Variants in HCRTR2 observed in about 807,000 individuals in gnomAD.
HCRTR2 encodes the protein orexin receptor type 2.
Under a neutral mutation model 49.0 loss-of-function variants are expected in HCRTR2, and 22 were observed. That is an observed-to-expected ratio of 0.45 (90% confidence interval 0.32 to 0.64). The LOEUF is 0.64. HCRTR2 is among the 30% of genes least tolerant of loss of function. The pLI, the probability that HCRTR2 is intolerant of heterozygous loss-of-function variation, is 0.04. For synonymous variants in HCRTR2, 236 were observed against 205.3 expected (o/e 1.15, Z -1.28); for missense variants, 491 against 559.4 (o/e 0.88, Z 1.23).
At chr6:55,130,118 T>C (rs1764333676) in intron 1 of HCRTR2, among the ~76,000 whole-genome samples, 1 of 151,942 alleles carries the variant, frequency 6.6e-6, no homozygotes. Context: ...CTTTCATCCT[T>C]ATCCATTTCA....
chr6:55,163,467 C>T (rs1304363569), intron 1 of HCRTR2, among the ~76,000 whole-genome samples: 1 of 151,944 alleles, frequency 6.6e-6, no homozygotes, highest in Non-Finnish European at 1.5e-5. Flanking sequence ...TCAGAAATAA[C>T]CCCAGACATC....
chr6:55,213,478 C>A (rs1466901165), intron 1 of HCRTR2, among the ~76,000 whole-genome samples: 2 of 152,058 alleles, frequency 1.3e-5, no homozygotes, highest in Non-Finnish European at 2.9e-5. Context: ...GTCCATGGAA[C>A]CACTGACTCA....
rs542638988 is a variant in HCRTR2 at position 55,280,052 on chromosome 6, A to G, written c.984-271A>G. Among the ~76,000 whole-genome samples, 98 of 152,282 alleles carry G rather than the reference A, an allele frequency of 6.4e-4. 1 individual carries two copies. The highest frequency in any genetic ancestry group is 2.3e-3 in the African/African-American group (94 of 41,584). On this transcript the variant is annotated intron_variant, in intron 5 of 6. Transcript: ENST00000370862. Reference sequence around the variant, plus strand: ...AAGAAGATATATATTCAACTTCCATATTCTTATTTACAAGAAATACTGCAT... The same window carrying G: ...AAGAAGATATATATTCAACTTCCATGTTCTTATTTACAAGAAATACTGCAT...
At chr6:55,231,299 G>A (rs933819810) in intron 1 of HCRTR2, among the ~76,000 whole-genome samples, 10 of 151,982 alleles carry the variant, frequency 6.6e-5, no homozygotes, top group African/African-American at 2.4e-4. Context: ...TTTTTATTAA[G>A]TTTAAGTTAC....
chr6:55,107,550 C>G (rs980723654), intron 1 of HCRTR2, among the ~76,000 whole-genome samples: 14 of 146,910 alleles, frequency 9.5e-5, no homozygotes, highest in African/African-American at 3.7e-4. Context: ...AACATATACA[C>G]TATAGTTTCT....
intron 1 of HCRTR2, among the ~76,000 whole-genome samples, chr6:55,183,322 T>C (rs2127274239): frequency 6.6e-6 from 1 of 151,950 alleles, no homozygotes; most frequent in East Asian, 1.9e-4. Context: ...GTGAAGAAAA[T>C]TGGGTAAGGA....
At chr6:55,284,272 A>G (rs1767244640), downstream of HCRTR2, among the ~76,000 whole-genome samples, 1 of 152,168 alleles carries the variant, frequency 6.6e-6, no homozygotes, top group Non-Finnish European at 1.5e-5. Flanking sequence ...CTCAGAGAGC[A>G]GCAGTTATGT....
At chr6:55,116,251 T>A (rs1415935398) in intron 1 of HCRTR2, among the ~76,000 whole-genome samples, 2 of 151,770 alleles carry the variant, frequency 1.3e-5, no homozygotes, top group African/African-American at 2.4e-5. Flanking sequence ...TATCACATAG[T>A]ATAACATTGT....
intron 1 of HCRTR2, among the ~76,000 whole-genome samples, chr6:55,206,392 G>A (rs3134703): frequency 0.29 from 43,637 of 151,804 alleles, 6,976 homozygotes; most frequent in African/African-American, 0.43. Flanking sequence ...AAATTTCTTC[G>A]TCTCCTTAGT....
intron 1 of HCRTR2, among the ~76,000 whole-genome samples, chr6:55,147,413 A>G (rs1307175676): frequency 6.6e-6 from 1 of 152,188 alleles, no homozygotes; most frequent in Non-Finnish European, 1.5e-5. Flanking sequence ...ACACACAGCT[A>G]TTTACTGATG....
intron 1 of HCRTR2, among the ~76,000 whole-genome samples, chr6:55,132,053 G>A (rs914660450): frequency 1.3e-5 from 2 of 151,782 alleles, no homozygotes; most frequent in Non-Finnish European, 3.0e-5. Flanking sequence ...ACATGTGTTT[G>A]TGGCCAATTC....
intron 1 of HCRTR2, among the ~76,000 whole-genome samples, chr6:55,237,769 G>A (rs1339034955): frequency 6.6e-6 from 1 of 152,138 alleles, no homozygotes; most frequent in Non-Finnish European, 1.5e-5. Context: ...AAGCTTATCT[G>A]CCGTTACCAG....
chr6:55,202,802 C>T (rs1255452355), intron 1 of HCRTR2, among the ~76,000 whole-genome samples: 1 of 152,006 alleles, frequency 6.6e-6, no homozygotes, highest in East Asian at 1.9e-4. Context: ...TATAGCAATG[C>T]CTATCTCCAG....
intron 4 of HCRTR2, among the ~76,000 whole-genome samples, chr6:55,269,258 T>C (rs1015211128): frequency 2.6e-5 from 4 of 152,124 alleles, no homozygotes; most frequent in African/African-American, 9.7e-5. Context: ...ATTTTCCAGG[T>C]TTTCTGACTA....
chr6:55,255,268 G>A lies in HCRTR2; in HGVS notation c.535G>A (p.Val179Ile), dbSNP rs1488024853. The change falls in exon 3 of 7, where the codon GTC becomes ATC. Residue 179 changes from valine to isoleucine, a missense_variant. Coordinates refer to ENST00000370862, the MANE Select transcript of HCRTR2 (RefSeq NM_001384272.1). ...TAACAGCATTGTCATCATCTGGATT[G>A]TCTCCTGCATTATAATGATTCCTCA... ...ARNSIVIIWI[V>I]SCIIMIPQAI... The A allele has an allele frequency of 6.2e-7, 1 of 1,614,014 alleles. No homozygotes were observed. Among genetic ancestry groups the A allele is most frequent in the Non-Finnish European group, 8.5e-7 (1 of 1,179,982 alleles).
At chr6:55,250,588 C>CTAA (rs1766529925) in intron 2 of HCRTR2, among the ~76,000 whole-genome samples, 1 of 152,124 alleles carries the variant, frequency 6.6e-6, no homozygotes, top group Non-Finnish European at 1.5e-5. Flanking sequence ...CAGTCATGTG[C>CTAA]TAATGCACAG....
At chr6:55,227,585 C>T (rs1042752038) in intron 1 of HCRTR2, among the ~76,000 whole-genome samples, 16 of 152,146 alleles carry the variant, frequency 1.1e-4, no homozygotes, top group African/African-American at 3.9e-4. Flanking sequence ...AAATATTTGA[C>T]TATTGACTGT....
intron 1 of HCRTR2, among the ~76,000 whole-genome samples, chr6:55,120,506 C>A (rs1764181693): frequency 6.6e-6 from 1 of 151,718 alleles, no homozygotes. Context: ...GTATTTTATT[C>A]TCTTTGTAGC....
chr6:55,152,099 G>T (rs990867879), intron 1 of HCRTR2, among the ~76,000 whole-genome samples: 2 of 151,806 alleles, frequency 1.3e-5, no homozygotes, highest in Non-Finnish European at 2.9e-5. Flanking sequence ...AATTCTTAGG[G>T]GTATGCCTGC....
Sources: gnomAD v4.1 joint callset for allele counts (sites outside exome capture counted in the v4.1 genomes callset) on GRCh38, gnomAD v4.1.1 for gene constraint, MANE v1.5 for transcripts, NCBI Gene and HGNC (gene_info 2026-07-23, HGNC 2026-07-21) for gene names.